Variants in NPAS3 observed in about 807,000 individuals in gnomAD.
NPAS3 encodes neuronal PAS domain-containing protein 3.
In NPAS3, 14 loss-of-function variants were observed where a neutral mutation model predicts 73.1. That is an observed-to-expected ratio of 0.19 (90% CI 0.13 to 0.30). NPAS3 has a LOEUF of 0.30. NPAS3 is among the 10% of genes least tolerant of loss of function. NPAS3 has a pLI of 1.00. For missense variants in NPAS3, 1,096 were observed against 1,250.0 expected, an observed-to-expected ratio of 0.88 and a Z score of 1.86; for synonymous variants, 620 against 541.5, an observed-to-expected ratio of 1.14 and a Z score of -2.01.
At chr14:33,144,697 A>G (rs758681549) in intron 2 of NPAS3, among the ~76,000 whole-genome samples, 3 of 152,134 alleles carry the variant, frequency 2.0e-5, no homozygotes, top group Non-Finnish European at 2.9e-5. Flanking sequence ...GTGCACCAAA[A>G]CACCCAGCTA....
intron 2 of NPAS3, among the ~76,000 whole-genome samples, chr14:33,155,975 C>T (rs577236567): frequency 2.0e-5 from 3 of 152,248 alleles, no homozygotes; most frequent in Non-Finnish European, 2.9e-5. Flanking sequence ...ACTTTGAAAG[C>T]TGTATTGCTT....
intron 4 of NPAS3, among the ~76,000 whole-genome samples, chr14:33,405,675 T>TA (rs893614541): frequency 7.9e-5 from 12 of 152,024 alleles, no homozygotes; most frequent in African/African-American, 1.2e-4. Flanking sequence ...AAATCCCATT[T>TA]AAAAAAAATC....
intron 1 of NPAS3, among the ~76,000 whole-genome samples, chr14:32,982,990 A>T (rs2037958555): frequency 1.3e-5 from 2 of 152,218 alleles, no homozygotes; most frequent in African/African-American, 4.8e-5. Flanking sequence ...ATAGCATGGC[A>T]TGCAATTATA....
chr14:33,463,800 A>G (rs1229944302), intron 4 of NPAS3, among the ~76,000 whole-genome samples: 1 of 152,176 alleles, frequency 6.6e-6, no homozygotes, highest in Non-Finnish European at 1.5e-5. Context: ...AAGGAGTTAA[A>G]TTGTGTTGCA....
At chr14:33,027,978 G>A (rs902340987) in intron 1 of NPAS3, among the ~76,000 whole-genome samples, 1 of 152,148 alleles carries the variant, frequency 6.6e-6, no homozygotes, top group Non-Finnish European at 1.5e-5. Context: ...CAAATACATG[G>A]TAGTGAGTTT....
At chr14:33,347,300 A>C (rs544284068) in intron 3 of NPAS3, among the ~76,000 whole-genome samples, 1 of 152,370 alleles carries the variant, frequency 6.6e-6, no homozygotes, top group South Asian at 2.1e-4. Flanking sequence ...AAGGAAAAGA[A>C]CTCACAACAT....
At chr14:33,403,923 A>G (rs772923887) in intron 4 of NPAS3, among the ~76,000 whole-genome samples, 1 of 152,122 alleles carries the variant, frequency 6.6e-6, no homozygotes, top group African/African-American at 2.4e-5. Context: ...ACAGTCCTAC[A>G]TCCTCCTGCT....
In NPAS3 at chr14:33,215,484, A is replaced by C. The variant is rs371163562; in HGVS notation, c.385+58A>C. ...GATGGTCTGTAGGGGTCTGTAAGACAAAATGTTTACCATCATCCTTTCTTC... is the reference window on the plus strand; with the variant it reads ...GATGGTCTGTAGGGGTCTGTAAGACCAAATGTTTACCATCATCCTTTCTTC... On this transcript the variant is annotated intron_variant, in intron 3 of 11. Coordinates refer to ENST00000356141, the Ensembl canonical transcript of NPAS3. 2.5e-6 allele frequency: 4 copies of C among 1,574,142 alleles called. No homozygotes were observed. The African/African-American group carries it at 5.4e-5, about 21-fold the overall frequency.
intron 1 of NPAS3, among the ~76,000 whole-genome samples, chr14:32,943,918 G>A (rs942976515): frequency 6.6e-6 from 1 of 152,120 alleles, no homozygotes; most frequent in African/African-American, 2.4e-5. Flanking sequence ...TCAAACTCCT[G>A]ACCTCAGGTG....
chr14:33,669,174 C>T (rs1487404556), intron 5 of NPAS3, among the ~76,000 whole-genome samples: 1 of 152,152 alleles, frequency 6.6e-6, no homozygotes, highest in African/African-American at 2.4e-5. Context: ...AAAAAAGAAA[C>T]CGACTTCAGT....
intron 6 of NPAS3, among the ~76,000 whole-genome samples, chr14:33,687,065 C>A (rs980574358): frequency 1.3e-5 from 2 of 152,072 alleles, no homozygotes; most frequent in Admixed American, 6.6e-5. Flanking sequence ...AAGGAAGAAA[C>A]GATGATTTGG....
chr14:33,389,673 ATTCATC>A (rs1439189569), intron 4 of NPAS3, among the ~76,000 whole-genome samples: 1 of 152,176 alleles, frequency 6.6e-6, no homozygotes, highest in Non-Finnish European at 1.5e-5. Flanking sequence ...CAGAGGATAA[ATTCATC>A]TTTATTATTT....
At chr14:33,045,520 G>A (rs1283870287) in intron 1 of NPAS3, among the ~76,000 whole-genome samples, 3 of 152,220 alleles carry the variant, frequency 2.0e-5, no homozygotes, top group Admixed American at 6.5e-5. Flanking sequence ...GATAGTAAAC[G>A]AGTATTCCTG....
chr14:33,604,762 G>A (rs1234587779), intron 5 of NPAS3, among the ~76,000 whole-genome samples: 2 of 152,074 alleles, frequency 1.3e-5, no homozygotes, highest in African/African-American at 4.8e-5. Context: ...TATGTTCTCT[G>A]ACTACAGAGG....
At chr14:33,283,675 AT>A (rs1298241507) in intron 3 of NPAS3, among the ~76,000 whole-genome samples, 8 of 152,196 alleles carry the variant, frequency 5.3e-5, no homozygotes, top group African/African-American at 1.9e-4. Context: ...CCATTAGAGA[AT>A]TTCTCGAGTT....
At chr14:32,970,895 C>G (rs1364087591) in intron 1 of NPAS3, among the ~76,000 whole-genome samples, 5 of 152,076 alleles carry the variant, frequency 3.3e-5, no homozygotes, top group South Asian at 2.1e-4. Context: ...TTGCAAAACC[C>G]CTATTTCTAA....
chr14:33,325,644 A>G (rs2043667409), intron 3 of NPAS3, among the ~76,000 whole-genome samples: 1 of 149,724 alleles, frequency 6.7e-6, no homozygotes, highest in Non-Finnish European at 1.5e-5. Context: ...CGTCTCAAAA[A>G]AAAAAAAAAA....
intron 3 of NPAS3, among the ~76,000 whole-genome samples, chr14:33,235,324 G>A (rs1275478703): frequency 6.6e-6 from 1 of 152,020 alleles, no homozygotes; most frequent in African/African-American, 2.4e-5. Flanking sequence ...GTGAGAATTT[G>A]TGGTCTTTTT....
At chr14:33,074,584 T>G (rs1455305758) in intron 2 of NPAS3, among the ~76,000 whole-genome samples, 1 of 152,060 alleles carries the variant, frequency 6.6e-6, no homozygotes, top group Non-Finnish European at 1.5e-5. Flanking sequence ...GCCCAGCTAA[T>G]TTTTGTATTT....
Sources: gnomAD v4.1 joint callset for allele counts (sites outside exome capture counted in the v4.1 genomes callset) on GRCh38, gnomAD v4.1.1 for gene constraint, MANE v1.5 for transcripts, NCBI Gene and HGNC (gene_info 2026-07-23, HGNC 2026-07-21) for gene names.